RNF217: variants seen among roughly 807,000 people sequenced by gnomAD.
RNF217 encodes the protein E3 ubiquitin-protein ligase RNF217.
A neutral mutation model predicts 57.8 loss-of-function variants in RNF217; 31 were observed. The observed-to-expected ratio is 0.54, with a 90% CI of 0.40 to 0.72. The LOEUF is 0.72. Among genes scored for constraint, RNF217 ranks in the 30% least tolerant of loss-of-function variants. The pLI, the probability that RNF217 is intolerant of heterozygous loss-of-function variation, is 0.00. For missense variants in RNF217, 696 were observed against 708.3 expected (o/e 0.98, Z 0.20); for synonymous variants, 313 against 294.0 (o/e 1.06, Z -0.66).
chr6:125,067,250 C>T (rs1015244449), intron 3 of RNF217, among the ~76,000 whole-genome samples: 1 of 152,166 alleles, frequency 6.6e-6, no homozygotes, highest in African/African-American at 2.4e-5. Flanking sequence ...GAGAAGCCAA[C>T]AAGAGCTGGG....
intron 1 of RNF217, among the ~76,000 whole-genome samples, chr6:124,977,095 T>C (rs532064596): frequency 6.6e-6 from 1 of 152,352 alleles, no homozygotes; most frequent in South Asian, 2.1e-4. Context: ...ATCAGAATTT[T>C]CCATCCTACT....
At position 124,978,942 on chromosome 6, in the gene RNF217, A is replaced by C. The variant is rs550517740; in HGVS notation, c.882+15516A>C. Among the ~76,000 whole-genome samples the C allele has an allele frequency of 1.6e-4, 24 of 152,242 alleles. No homozygotes were observed. The South Asian group carries it at 4.2e-3, about 26-fold the overall frequency. On this transcript the variant is annotated intron_variant, in intron 1 of 5. Coordinates refer to ENST00000521654, the MANE Select transcript of RNF217 (RefSeq NM_001286398.3). ...CTGTGTGGCTGAGTCCAAGGTTTTTATGGGCTTGGAATGGGGGAATGCAAG... is the reference window on the plus strand; with the variant it reads ...CTGTGTGGCTGAGTCCAAGGTTTTTCTGGGCTTGGAATGGGGGAATGCAAG...
chr6:125,000,025 G>A (rs1343020332), intron 1 of RNF217, among the ~76,000 whole-genome samples: 1 of 152,064 alleles, frequency 6.6e-6, no homozygotes, highest in African/African-American at 2.4e-5. Flanking sequence ...TACTGCCACT[G>A]GTCTTGTAAT....
At chr6:125,067,768 G>C (rs1255020396) in intron 3 of RNF217, among the ~76,000 whole-genome samples, 1 of 152,130 alleles carries the variant, frequency 6.6e-6, no homozygotes, top group Non-Finnish European at 1.5e-5. Context: ...CAGGTCCTCA[G>C]TAGAGATAAA....
chr6:125,036,780 A>G (rs1786641416), intron 1 of RNF217, among the ~76,000 whole-genome samples: 1 of 151,990 alleles, frequency 6.6e-6, no homozygotes, highest in South Asian at 2.1e-4. Flanking sequence ...ATCGCTGGTC[A>G]TTAGAGAAAT....
intron 1 of RNF217, among the ~76,000 whole-genome samples, chr6:124,990,526 T>C (rs1255493449): frequency 1.3e-5 from 2 of 152,228 alleles, no homozygotes; most frequent in Non-Finnish European, 2.9e-5. Flanking sequence ...TGATGGCCAT[T>C]CCATTTTTCC....
chr6:124,976,938 C>T (rs1374951967), intron 1 of RNF217, among the ~76,000 whole-genome samples: 1 of 152,168 alleles, frequency 6.6e-6, no homozygotes, highest in African/African-American at 2.4e-5. Context: ...AGAAGGAATG[C>T]TAAGCAGGAA....
At chr6:125,073,516 G>A (rs1052321127) in intron 3 of RNF217, among the ~76,000 whole-genome samples, 15 of 152,158 alleles carry the variant, frequency 9.9e-5, no homozygotes, top group Non-Finnish European at 2.2e-4. Context: ...CTACTGGTCT[G>A]TCATGTAAAA....
At position 125,042,945 on chromosome 6, in the gene RNF217, C is replaced by G. The variant is rs189656091; in HGVS notation, c.883-2266C>G. On this transcript the variant is annotated intron_variant, in intron 1 of 5. Coordinates refer to ENST00000521654, the MANE Select transcript of RNF217 (RefSeq NM_001286398.3). ...TACTGCTTCCCAATAACAAGTGCCT[C>G]TCGAGGTGGCCCAAGTAAGCCCCTT... Among the ~76,000 whole-genome samples, 909 of 152,186 alleles carry G rather than the reference C, an allele frequency of 6.0e-3. 4 individuals are homozygous for G. The highest frequency in any genetic ancestry group is 7.9e-3 in the Non-Finnish European group (535 of 67,986).
rs544215926 is a variant in RNF217 at position 125,077,744 on chromosome 6, G to A, written c.1483+886G>A. 3.9e-5 allele frequency among the ~76,000 whole-genome samples: 6 copies of A among 152,158 alleles called. No homozygotes were observed. In the East Asian group the frequency reaches 9.7e-4, roughly 24 times the overall value. ...GTCTGTTAGAATTCCTTTTCTGGCC[G>A]TGTTTCTCATGTGTAGGCAATACTT... On this transcript the variant is annotated intron_variant, in intron 4 of 5. Coordinates refer to ENST00000521654, the MANE Select transcript of RNF217 (RefSeq NM_001286398.3).
intron 3 of RNF217, among the ~76,000 whole-genome samples, chr6:125,059,748 A>C (rs1486044802): frequency 1.3e-5 from 2 of 152,222 alleles, no homozygotes; most frequent in Non-Finnish European, 2.9e-5. Flanking sequence ...GAATGTTCTA[A>C]CAACTTTCCA....
At chr6:125,028,572 T>C (rs1478038943) in intron 1 of RNF217, among the ~76,000 whole-genome samples, 1 of 152,134 alleles carries the variant, frequency 6.6e-6, no homozygotes, top group East Asian at 1.9e-4. Flanking sequence ...AATATGTTTC[T>C]AGAATATATA....
chr6:125,037,253 A>AT (rs1255136561), intron 1 of RNF217, among the ~76,000 whole-genome samples: 2 of 152,088 alleles, frequency 1.3e-5, no homozygotes, highest in African/African-American at 2.4e-5. Context: ...TTACAACTTT[A>AT]TTTTTCTAGA....
At chr6:125,071,036 C>A (rs1001892286) in intron 3 of RNF217, among the ~76,000 whole-genome samples, 4 of 152,050 alleles carry the variant, frequency 2.6e-5, no homozygotes, top group Non-Finnish European at 4.4e-5. Context: ...TTAGGTAGAA[C>A]CTTGTTTGAA....
intron 1 of RNF217, among the ~76,000 whole-genome samples, chr6:125,029,439 A>G (rs1020978560): frequency 1.3e-5 from 2 of 152,192 alleles, no homozygotes; most frequent in African/African-American, 4.8e-5. Flanking sequence ...GAAGGAGGAA[A>G]TTATTTCTTT....
At chr6:125,046,675 C>T (rs1402753284) in intron 2 of RNF217, 3 of 455,766 alleles carry the variant, frequency 6.6e-6, no homozygotes, top group African/African-American at 6.0e-5. Context: ...AGTTTCTGGT[C>T]ATGTTCCCTT....
In RNF217 at chr6:125,058,124, A is replaced by C. The variant is rs1304943084; in HGVS notation, c.1281+18A>C. On this transcript the variant is annotated intron_variant, in intron 3 of 5. Coordinates refer to ENST00000521654, the MANE Select transcript of RNF217 (RefSeq NM_001286398.3). ...AGTGCAAGGTGAGATAACTTTTAGG[A>C]GGAAAAGAAAAAACATGTACATCTG... is the stretch of plus-strand genomic sequence containing the variant. The C allele has an allele frequency of 2.5e-6, 4 of 1,598,364 alleles. No individual in the cohort carries two copies. Among genetic ancestry groups the C allele is most frequent in the Non-Finnish European group, 3.4e-6 (4 of 1,172,102 alleles).
chr6:125,053,741 G>C (rs1787415942), intron 2 of RNF217, among the ~76,000 whole-genome samples: 1 of 152,020 alleles, frequency 6.6e-6, no homozygotes, highest in Non-Finnish European at 1.5e-5. Context: ...GTAAAACTAA[G>C]GGTATTCAAA....
intron 2 of RNF217, among the ~76,000 whole-genome samples, chr6:125,054,313 A>G (rs896071749): frequency 6.6e-6 from 1 of 152,174 alleles, no homozygotes; most frequent in Non-Finnish European, 1.5e-5. Flanking sequence ...GGCTACCTCA[A>G]TTAGTGAGGT....
Sources: allele counts gnomAD v4.1 joint callset (sites outside exome capture counted in the v4.1 genomes callset), GRCh38; gene constraint gnomAD v4.1.1; transcripts MANE v1.5; gene names NCBI Gene and HGNC (gene_info 2026-07-23, HGNC 2026-07-21).